Variants in FUT8 observed in about 807,000 individuals in gnomAD.
FUT8 encodes the protein alpha-(1,6)-fucosyltransferase.
FUT8 carries 29 observed loss-of-function variants against 71.3 expected under a neutral mutation model. The observed-to-expected ratio is 0.41, with a 90% CI of 0.30 to 0.55. The LOEUF is 0.55. Among genes scored for constraint, FUT8 ranks in the 20% least tolerant of loss-of-function variants. The pLI is 0.34. For missense variants in FUT8, 544 were observed against 702.1 expected (o/e 0.77, Z 2.55); for synonymous variants, 254 against 239.3 (o/e 1.06, Z -0.57).
rs1009806572 is a variant in FUT8 at position 65,413,661 on chromosome 14, T to C, written c.-326+447T>C. ...AGGAAGATGCCCGTGCGTTATGGGCTCTTTCTGAGTGCTGCTCGGGCTAGA... is the reference window on the plus strand; with the variant it reads ...AGGAAGATGCCCGTGCGTTATGGGCCCTTTCTGAGTGCTGCTCGGGCTAGA... On this transcript the variant is annotated intron_variant, in intron 1 of 10. Coordinates refer to ENST00000673929, the MANE Select transcript of FUT8 (RefSeq NM_001371533.1). The surrounding 1 kb of genome is among the most constrained non-coding windows in gnomAD (Gnocchi z 4.1). Among the ~76,000 whole-genome samples the C allele has an allele frequency of 6.6e-6, 1 of 152,174 alleles. No individual in the cohort carries two copies. Among genetic ancestry groups the C allele is most frequent in the Non-Finnish European group, 1.5e-5 (1 of 68,018 alleles).
intron 2 of FUT8, among the ~76,000 whole-genome samples, chr14:65,546,913 T>A (rs904118688): frequency 2.0e-5 from 3 of 151,724 alleles, no homozygotes; most frequent in African/African-American, 7.2e-5. Flanking sequence ...AGTTTTTAAG[T>A]CATTAGGCTA....
At chr14:65,716,920 G>T (rs1895102670) in intron 7 of FUT8, among the ~76,000 whole-genome samples, 1 of 144,766 alleles carries the variant, frequency 6.9e-6, no homozygotes, top group South Asian at 2.2e-4. Context: ...CCACTTCCCA[G>T]ATGGGGCGGC....
rs911625457 is a variant in FUT8 at position 65,652,775 on chromosome 14, T to C, written c.598-16468T>C. On this transcript the variant is annotated intron_variant, in intron 6 of 10. Coordinates refer to ENST00000673929, the MANE Select transcript of FUT8 (RefSeq NM_001371533.1). This position sits in a 1 kb window ranked among gnomAD's most constrained non-coding sequence, Gnocchi z 4.0. ...GAATGAATGAAACTTCTACTAAACCTACCTATACTCCAGCTGTCCCTGTTA... is the reference window on the plus strand; with the variant it reads ...GAATGAATGAAACTTCTACTAAACCCACCTATACTCCAGCTGTCCCTGTTA... Among the ~76,000 whole-genome samples the C allele has an allele frequency of 2.0e-5, 3 of 152,168 alleles. No homozygotes were observed. The highest frequency in any genetic ancestry group is 6.5e-5 in the Admixed American group (1 of 15,282).
intron 7 of FUT8, among the ~76,000 whole-genome samples, chr14:65,707,529 G>A (rs1894610814): frequency 6.6e-6 from 1 of 151,892 alleles, no homozygotes; most frequent in Non-Finnish European, 1.5e-5. Flanking sequence ...TGCTTTTGCT[G>A]CCTGTGCTTT....
rs577146343 is a variant in FUT8 at position 65,569,170 on chromosome 14, A to G, written c.203+7404A>G. Among the ~76,000 whole-genome samples, 10 of 151,688 alleles carry G rather than the reference A, an allele frequency of 6.6e-5. No individual in the cohort carries two copies. The Middle Eastern group carries it at 0.01, about 155-fold the overall frequency. ...TGTCTTTGGTGTTAAGCACTTGACT[A>G]TGAGTGCCTAGATATGGCTTTATTT... On this transcript the variant is annotated intron_variant, in intron 3 of 10. Coordinates refer to ENST00000673929, the MANE Select transcript of FUT8 (RefSeq NM_001371533.1).
At chr14:65,398,009 T>G in the FUT8 span, among the ~76,000 whole-genome samples, 1 of 152,242 alleles carries the variant, frequency 6.6e-6, no homozygotes, top group African/African-American at 2.4e-5. Flanking sequence ...TTTATTCAAT[T>G]TTCATTTTGA....
the FUT8 span, among the ~76,000 whole-genome samples, chr14:65,363,448 G>A: frequency 1.3e-5 from 2 of 152,116 alleles, no homozygotes; most frequent in Non-Finnish European, 2.9e-5. Flanking sequence ...GTAGAGACAG[G>A]GTTTCACCAT....
intron 2 of FUT8, among the ~76,000 whole-genome samples, chr14:65,543,396 A>G (rs999436805): frequency 6.6e-6 from 1 of 152,208 alleles, no homozygotes; most frequent in Non-Finnish European, 1.5e-5. Context: ...TTATTCAACA[A>G]ATACTAATAA....
intron 6 of FUT8, among the ~76,000 whole-genome samples, chr14:65,640,911 A>T (rs1164098091): frequency 1.3e-5 from 2 of 152,180 alleles, no homozygotes; most frequent in Admixed American, 1.3e-4. Flanking sequence ...ATAGAACCAG[A>T]TGTTTAACAC....
In FUT8 at chr14:65,494,524, G is replaced by C. The variant is rs1241079180; in HGVS notation, c.-228+38806G>C. On this transcript the variant is annotated intron_variant, in intron 2 of 10. Coordinates refer to ENST00000673929, the MANE Select transcript of FUT8 (RefSeq NM_001371533.1). Reference sequence around the variant, plus strand: ...ACAAACAAGGAGTGAAGAGGAATCTGGGGCTGCAAAGCATCGCTCTCCAGT... The same window carrying C: ...ACAAACAAGGAGTGAAGAGGAATCTCGGGCTGCAAAGCATCGCTCTCCAGT... 2.0e-5 allele frequency among the ~76,000 whole-genome samples: 3 copies of C among 152,252 alleles called. No homozygotes were observed. In the South Asian group the frequency reaches 6.2e-4, roughly 32 times the overall value.
chr14:65,467,846 AG>A lies in FUT8; in HGVS notation c.-228+12130del, dbSNP rs1178105167. 2.5e-6 allele frequency: 2 copies of A among 789,812 alleles called. No homozygotes were observed. Among genetic ancestry groups the A allele is most frequent in the Non-Finnish European group, 4.6e-6 (2 of 436,002 alleles). The allele number at this position is 789,812 out of a possible 1,614,324, so 48.9% of individuals were successfully genotyped here. ...CACAGGGAATAGGTTCCAGCAGCTC[AG>A]GCTCCTTCCCACTGGTTCTCACAAA... On this transcript the variant is annotated intron_variant, in intron 2 of 10. Coordinates refer to ENST00000673929, the MANE Select transcript of FUT8 (RefSeq NM_001371533.1). This position sits in a 1 kb window ranked among gnomAD's most constrained non-coding sequence, Gnocchi z 4.1.
At chr14:65,678,362 G>A (rs1892869344) in intron 7 of FUT8, among the ~76,000 whole-genome samples, 1 of 152,114 alleles carries the variant, frequency 6.6e-6, no homozygotes, top group African/African-American at 2.4e-5. Context: ...TATTTAGGTT[G>A]CCCTGTAAAA....
intron 6 of FUT8, among the ~76,000 whole-genome samples, chr14:65,648,847 T>C (rs1462176030): frequency 1.3e-5 from 2 of 152,198 alleles, no homozygotes; most frequent in African/African-American, 2.4e-5. Context: ...TGATGGTATA[T>C]TGGAGCTATT....
At chr14:65,602,284 A>C (rs1030060232) in intron 3 of FUT8, among the ~76,000 whole-genome samples, 8 of 139,440 alleles carry the variant, frequency 5.7e-5, no homozygotes, top group African/African-American at 2.2e-4. Context: ...AGTTCCATCT[A>C]GGATGCTGCA....
the FUT8 span, among the ~76,000 whole-genome samples, chr14:65,361,974 T>G: frequency 6.6e-6 from 1 of 152,206 alleles, no homozygotes; most frequent in South Asian, 2.1e-4. Flanking sequence ...TGAAATGCTT[T>G]CTTTCTTTCA....
chr14:65,601,889 A>G (rs1390935164), intron 3 of FUT8, among the ~76,000 whole-genome samples: 1 of 152,160 alleles, frequency 6.6e-6, no homozygotes, highest in Non-Finnish European at 1.5e-5. Flanking sequence ...TTGAACAAGT[A>G]TTGATATTTT....
At chr14:65,640,729 C>G (rs529597791) in intron 6 of FUT8, among the ~76,000 whole-genome samples, 1 of 152,046 alleles carries the variant, frequency 6.6e-6, no homozygotes, top group South Asian at 2.1e-4. Flanking sequence ...AATGAATTAT[C>G]AATGTAACAC....
chr14:65,644,877 A>G (rs776516946), intron 6 of FUT8, among the ~76,000 whole-genome samples: 5 of 152,186 alleles, frequency 3.3e-5, no homozygotes, highest in Non-Finnish European at 5.9e-5. Context: ...TGACATACAT[A>G]CTTTCTCTGT....
In FUT8 at chr14:65,622,434, C is replaced by T. The variant is rs1432942128; in HGVS notation, c.482+6061C>T. On this transcript the variant is annotated intron_variant, in intron 5 of 10. Coordinates refer to ENST00000673929, the MANE Select transcript of FUT8 (RefSeq NM_001371533.1). ...ACTCTTAGACCCTGCAGAGCTGGCACAGATAAAGGCAGATTATTGAAAGAC... is the reference window on the plus strand; with the variant it reads ...ACTCTTAGACCCTGCAGAGCTGGCATAGATAAAGGCAGATTATTGAAAGAC... Among the ~76,000 whole-genome samples the T allele has an allele frequency of 2.6e-5, 4 of 152,252 alleles. No homozygotes were observed. The East Asian group carries it at 5.8e-4, about 22-fold the overall frequency.
Sources: allele counts gnomAD v4.1 joint callset (sites outside exome capture counted in the v4.1 genomes callset), GRCh38; gene constraint gnomAD v4.1.1; non-coding constraint Gnocchi (gnomAD v3.1); transcripts MANE v1.5; gene names NCBI Gene and HGNC (gene_info 2026-07-23, HGNC 2026-07-21).